CNTNAP2: variants seen among roughly 807,000 people sequenced by gnomAD.
The protein encoded by CNTNAP2 is contactin associated protein 2.
CNTNAP2 carries 98 observed loss-of-function variants against 155.2 expected under a neutral mutation model. That is an observed-to-expected ratio of 0.63 (90% confidence interval 0.54 to 0.75). The LOEUF is 0.75. Among genes scored for constraint, CNTNAP2 ranks in the 30% least tolerant of loss-of-function variants. CNTNAP2 has a pLI of 0.00. For synonymous variants in CNTNAP2, 651 were observed against 631.2 expected, an observed-to-expected ratio of 1.03 and a Z score of -0.47; for missense variants, 1,727 against 1,688.1, an observed-to-expected ratio of 1.02 and a Z score of -0.40.
intron 8 of CNTNAP2, among the ~76,000 whole-genome samples, chr7:147,157,796 C>A (rs1801955090): frequency 6.6e-6 from 1 of 152,070 alleles, no homozygotes; most frequent in African/African-American, 2.4e-5. Context: ...GAATAAGTTT[C>A]ATATGCTTTT....
chr7:147,527,353 A>G (rs187059920), intron 11 of CNTNAP2, among the ~76,000 whole-genome samples: 150 of 152,242 alleles, frequency 9.9e-4, no homozygotes, highest in Non-Finnish European at 1.4e-3. Context: ...TATTTTATAA[A>G]TTAGAAAACC....
intron 3 of CNTNAP2, among the ~76,000 whole-genome samples, chr7:146,896,552 G>T (rs1236649915): frequency 6.6e-6 from 1 of 151,934 alleles, no homozygotes; most frequent in Admixed American, 6.6e-5. Context: ...TTTATAAATA[G>T]AATCAATACA....
chr7:146,895,973 A>G (rs900290176), intron 3 of CNTNAP2, among the ~76,000 whole-genome samples: 1 of 152,160 alleles, frequency 6.6e-6, no homozygotes, highest in African/African-American at 2.4e-5. Context: ...CAATCTAAGT[A>G]CACCATACTT....
At chr7:148,339,037 G>T (rs1798174490) in intron 21 of CNTNAP2, among the ~76,000 whole-genome samples, 1 of 152,144 alleles carries the variant, frequency 6.6e-6, no homozygotes, top group East Asian at 1.9e-4. Context: ...TATTGACCCA[G>T]TCTCTGTGTC....
At chr7:146,475,516 G>A (rs1796864998) in intron 1 of CNTNAP2, among the ~76,000 whole-genome samples, 1 of 152,112 alleles carries the variant, frequency 6.6e-6, no homozygotes, top group Admixed American at 6.5e-5. Context: ...ATTAGTTTTC[G>A]GGAGGCAGAG....
At chr7:147,000,081 C>T (rs1417507185) in intron 3 of CNTNAP2, among the ~76,000 whole-genome samples, 4 of 151,666 alleles carry the variant, frequency 2.6e-5, no homozygotes, top group African/African-American at 9.7e-5. Context: ...CCTTTTTCCC[C>T]TTTGTATATT....
At chr7:147,564,388 T>A (rs1311979701) in intron 12 of CNTNAP2, among the ~76,000 whole-genome samples, 2 of 152,146 alleles carry the variant, frequency 1.3e-5, no homozygotes, top group Non-Finnish European at 2.9e-5. Context: ...TTGAATTCTT[T>A]TTTATATACC....
At chr7:147,772,446 C>CCATATATATATA (rs71527835) in intron 13 of CNTNAP2, among the ~76,000 whole-genome samples, 2 of 63,732 alleles carry the variant, frequency 3.1e-5, no homozygotes, top group Non-Finnish European at 2.8e-5. Context: ...CTCTCTCTCG[C>CCATATATATATA]TATATATATA....
intron 13 of CNTNAP2, among the ~76,000 whole-genome samples, chr7:147,871,394 C>T (rs1040008617): frequency 1.3e-5 from 2 of 152,188 alleles, no homozygotes; most frequent in Admixed American, 6.5e-5. Flanking sequence ...TCGGGCTTTA[C>T]AAAATGCTTG....
intron 14 of CNTNAP2, among the ~76,000 whole-genome samples, chr7:147,928,861 G>C (rs1267644446): frequency 1.3e-5 from 2 of 151,794 alleles, no homozygotes; most frequent in African/African-American, 2.4e-5. Flanking sequence ...GAGGCTGAAG[G>C]GGGCAGATCA....
chr7:147,200,864 T>G (rs1237034849), intron 8 of CNTNAP2, among the ~76,000 whole-genome samples: 2 of 152,234 alleles, frequency 1.3e-5, no homozygotes, highest in Non-Finnish European at 2.9e-5. Flanking sequence ...TCGTTGTTTT[T>G]GTCTGCTTGT....
intron 11 of CNTNAP2, among the ~76,000 whole-genome samples, chr7:147,536,370 G>A (rs1799539579): frequency 6.6e-6 from 1 of 152,186 alleles, no homozygotes; most frequent in African/African-American, 2.4e-5. Context: ...TTTAGTTGGA[G>A]AGAAAAAGAA....
intron 11 of CNTNAP2, among the ~76,000 whole-genome samples, chr7:147,531,675 G>A (rs1799433562): frequency 6.6e-6 from 1 of 152,198 alleles, no homozygotes; most frequent in African/African-American, 2.4e-5. Context: ...GGGAGGGGCT[G>A]CTGTGAAGGT....
chr7:147,923,817 C>T (rs1563136659), intron 14 of CNTNAP2, among the ~76,000 whole-genome samples: 1 of 152,076 alleles, frequency 6.6e-6, no homozygotes. Context: ...AGGTATGAGC[C>T]ACCATGCGTA....
intron 8 of CNTNAP2, among the ~76,000 whole-genome samples, chr7:147,186,009 C>A (rs1015180306): frequency 3.9e-5 from 6 of 152,302 alleles, no homozygotes; most frequent in African/African-American, 1.4e-4. Context: ...GTGAGTCCAT[C>A]AAACTCTTTC....
chr7:147,271,575 T>C (rs112197193), intron 8 of CNTNAP2, among the ~76,000 whole-genome samples: 1,878 of 152,296 alleles, frequency 0.012, 47 homozygotes, highest in African/African-American at 0.043. Flanking sequence ...TTAATGGACT[T>C]ATAGTTCTAT....
intron 1 of CNTNAP2, among the ~76,000 whole-genome samples, chr7:146,613,671 C>G (rs938957436): frequency 2.0e-5 from 3 of 152,018 alleles, no homozygotes; most frequent in Non-Finnish European, 4.4e-5. Flanking sequence ...ATTAACGATT[C>G]CAGTGTGAAG....
intron 14 of CNTNAP2, among the ~76,000 whole-genome samples, chr7:147,952,472 T>C (rs145114749): frequency 5.0e-4 from 76 of 151,908 alleles, no homozygotes; most frequent in African/African-American, 1.7e-3. Flanking sequence ...AAAATAAATC[T>C]CTCCTTTTCA....
At chr7:147,359,825 T>C (rs1271775987) in intron 9 of CNTNAP2, among the ~76,000 whole-genome samples, 7 of 152,134 alleles carry the variant, frequency 4.6e-5, no homozygotes, top group African/African-American at 1.7e-4. Flanking sequence ...CCCACCTCTC[T>C]ACTCCCTAAC....
Sources: gnomAD v4.1 joint callset for allele counts (sites outside exome capture counted in the v4.1 genomes callset) on GRCh38, gnomAD v4.1.1 for gene constraint, MANE v1.5 for transcripts, NCBI Gene and HGNC (gene_info 2026-07-23, HGNC 2026-07-21) for gene names.